Variants in TPCN2 observed in about 807,000 individuals in gnomAD.
TPCN2 encodes the protein two pore channel protein 2.
Under a neutral mutation model 111.4 loss-of-function variants are expected in TPCN2, and 92 were observed. That is an observed-to-expected ratio of 0.83 (90% CI 0.70 to 0.98). TPCN2 has a LOEUF of 0.98. Among genes scored for constraint, TPCN2 ranks in the 50% least tolerant of loss-of-function variants. The pLI is 0.00. For synonymous variants in TPCN2, 405 were observed against 414.5 expected, an observed-to-expected ratio of 0.98 and a Z score of 0.28; for missense variants, 995 against 980.1, an observed-to-expected ratio of 1.02 and a Z score of -0.20.
At chr11:69,050,595 C>A (rs1861180757) in intron 1 of TPCN2, among the ~76,000 whole-genome samples, 1 of 152,206 alleles carries the variant, frequency 6.6e-6, no homozygotes, top group African/African-American at 2.4e-5. Flanking sequence ...CCAGGGTGGT[C>A]TCAAACTCCT....
chr11:69,049,144 A>AG (rs1861094951), intron 1 of TPCN2, 38 bp downstream of exon 1: 1 of 1,185,508 alleles, frequency 8.4e-7, no homozygotes, highest in Non-Finnish European at 1.1e-6. Flanking sequence ...CTGGCCCGGG[A>AG]GACCAGGGTC....
At chr11:69,085,649 C>T (rs376998469) in intron 20 of TPCN2, 22 bp from the exon 21 acceptor site, 64 of 1,528,624 alleles carry the variant, frequency 4.2e-5, no homozygotes, top group Non-Finnish European at 4.0e-5. Context: ...CGCCCCTGAC[C>T]CAGGTGTGTT....
intron 18 of TPCN2, chr11:69,083,176 C>A (rs1462434505): frequency 6.5e-6 from 1 of 152,962 alleles, no homozygotes; most frequent in Admixed American, 6.5e-5. Context: ...TCCACAGGTT[C>A]TTGGAAACTG....
intron 4 of TPCN2, 78 bp from the exon 5 acceptor site, chr11:69,057,500 C>T (rs576913382): frequency 2.7e-5 from 36 of 1,356,768 alleles, no homozygotes; most frequent in Middle Eastern, 1.9e-4. Context: ...CTGGTCCCTG[C>T]GCTGCGCACC....
In TPCN2 at chr11:69,078,785, A is replaced by T; in HGVS notation, c.1402A>T (p.Ile468Phe). ...DVLPAERDDF[I>F]LGILNCVFIV... is the part of the protein sequence containing the mutation. ...GCTGCCTGCTGAGCGTGATGACTTC[A>T]TCCTGGGGGTAAGTTCTGAGCTGTC... The change falls in exon 15 of 25, where the codon ATC becomes TTC. Residue 468 changes from isoleucine (I) to phenylalanine (F), a missense_variant. By Grantham distance (21) the Ile-to-Phe change is conservative. Transcript: ENST00000294309. 6.2e-7 allele frequency: 1 copy of T among 1,614,052 alleles called. No individual in the cohort carries two copies. The highest frequency in any genetic ancestry group is 8.5e-7 in the Non-Finnish European group (1 of 1,180,030).
At chr11:69,086,409 GT>G (rs1233303330) in intron 22 of TPCN2, 113 bp from the exon 23 acceptor site, 1 of 838,946 alleles carries the variant, frequency 1.2e-6, no homozygotes, top group East Asian at 2.4e-5. Flanking sequence ...CTGCATCATG[GT>G]GTGTGTGGGC....
At position 69,067,616 on chromosome 11, in the gene TPCN2, G is replaced by GTC. The variant is rs1472042493; in HGVS notation, c.829+11_829+12insTC. 2.5e-6 allele frequency: 4 copies of GTC among 1,612,988 alleles called. No individual in the cohort carries two copies. Among genetic ancestry groups the GTC allele is most frequent in the Non-Finnish European group, 3.4e-6 (4 of 1,179,766 alleles). On this transcript the variant is annotated intron_variant, in intron 8 of 24. Coordinates refer to ENST00000294309, the MANE Select transcript of TPCN2 (RefSeq NM_139075.4). Reference sequence around the variant, plus strand: ...CCAACAACCCCGATGGTGCGTGCAGGGCCAGGGAGGGACCGTGGGGGTCGG... The same window carrying GTC: ...CCAACAACCCCGATGGTGCGTGCAGGTCGCCAGGGAGGGACCGTGGGGGTCGG...
At chr11:69,069,944 C>T (rs974192194) in intron 8 of TPCN2, among the ~76,000 whole-genome samples, 1 of 151,882 alleles carries the variant, frequency 6.6e-6, no homozygotes, top group African/African-American at 2.4e-5. Context: ...GGCAAGAGAT[C>T]GAATTTGGAC....
intron 19 of TPCN2, chr11:69,084,630 C>T (rs11827144): frequency 0.012 from 11,692 of 985,408 alleles, 420 homozygotes; most frequent in East Asian, 0.12. Context: ...GCAGGAAGCC[C>T]GGCCACACTT....
In TPCN2 at chr11:69,078,496, C is replaced by T. The variant is rs770565681; in HGVS notation, c.1245C>T (p.Pro415=). The change falls in exon 14 of 25, where the codon CCC becomes CCT. Residue 415 remains proline, a synonymous_variant. Transcript: ENST00000294309. ...RSVVKEHPPR[P]EYQSPFLQSA... ...TCCTTGCCCAGCACCCGCCGAGGCC[C>T]GAGTACCAGTCTCCGTTTCTGCAGA... is the stretch of plus-strand genomic sequence containing the variant. 1.2e-5 allele frequency: 19 copies of T among 1,613,976 alleles called. No homozygotes were observed. The highest frequency in any genetic ancestry group is 1.1e-4 in the African/African-American group (8 of 74,934).
intron 11 of TPCN2, among the ~76,000 whole-genome samples, 169 bp from the exon 12 acceptor site, chr11:69,072,458 G>C (rs1203572740): frequency 6.6e-6 from 1 of 151,956 alleles, no homozygotes; most frequent in Non-Finnish European, 1.5e-5. Context: ...GCCTTCTCGG[G>C]GGGACGGCAG....
At position 69,088,093 on chromosome 11, in the gene TPCN2, A is replaced by G. The variant is rs2134652853; in HGVS notation, c.*140A>G. The G allele has an allele frequency of 1.4e-6, 1 of 692,060 alleles. No homozygotes were observed. Among genetic ancestry groups the G allele is most frequent in the East Asian group, 2.7e-5 (1 of 36,452 alleles). The allele number at this position is 692,060 out of a possible 1,614,324, so 42.9% of individuals were successfully genotyped here. ...TCTGACGGACCACTAAGCTGGGGAC[A>G]GGAACCAAGTCCTTTGCGTGTGGCC... is the stretch of plus-strand genomic sequence containing the variant. On this transcript the variant is annotated 3_prime_UTR_variant, in exon 25 of 25. Transcript: ENST00000294309.
At chr11:69,054,150 T>A (rs1854638814) in intron 2 of TPCN2, 53 bp downstream of exon 2, 3 of 1,508,158 alleles carry the variant, frequency 2.0e-6, no homozygotes. Flanking sequence ...CGCCCTCCGA[T>A]TGGCTCGCCC....
chr11:69,057,459 C>T, intron 4 of TPCN2, 119 bp from the exon 5 acceptor site: 2 of 938,356 alleles, frequency 2.1e-6, no homozygotes, highest in East Asian at 2.4e-5. Flanking sequence ...GGGGACCACA[C>T]TGTTGTGGAG....
intron 17 of TPCN2, among the ~76,000 whole-genome samples, chr11:69,080,106 G>C (rs940765449): frequency 6.6e-6 from 1 of 152,250 alleles, no homozygotes; most frequent in African/African-American, 2.4e-5. Context: ...CACCCCGCAG[G>C]CTGTGGAGGG....
chr11:69,056,078 T>C (rs949172458), intron 4 of TPCN2, among the ~76,000 whole-genome samples: 2 of 152,254 alleles, frequency 1.3e-5, no homozygotes. Flanking sequence ...AGGTGCAGGC[T>C]ACGTTTTCTA....
intron 1 of TPCN2, among the ~76,000 whole-genome samples, chr11:69,053,358 C>T (rs75335031): frequency 7.2e-5 from 11 of 152,186 alleles, no homozygotes; most frequent in South Asian, 6.2e-4. Context: ...GCCCATGGAC[C>T]GGGACAGTGA....
chr11:69,053,276 C>T (rs1198516195), intron 1 of TPCN2, among the ~76,000 whole-genome samples: 2 of 152,210 alleles, frequency 1.3e-5, no homozygotes, highest in Admixed American at 6.5e-5. Context: ...ACAGAAGGCA[C>T]CGGCAGAGGC....
Position 69,086,538 on chromosome 11 carries a change from T to C in TPCN2, c.2019T>C (p.Tyr673=). 1 of 1,614,162 alleles carries C rather than the reference T, an allele frequency of 6.2e-7. No homozygotes were observed. The highest frequency in any genetic ancestry group is 8.5e-7 in the Non-Finnish European group (1 of 1,180,016). ...TCCTCCGCAGGTGGTCCAAGATCTA[T>C]TTTGTATTGTGGTGGCTGGTGTCGT... ...RRYSGPWSKI[Y]FVLWWLVSSV... is the part of the protein sequence containing the mutation. The change falls in exon 23 of 25, where the codon TAT becomes TAC. Residue 673 remains tyrosine (Y), a synonymous_variant. Coordinates refer to ENST00000294309, the MANE Select transcript of TPCN2 (RefSeq NM_139075.4).
Sources: gnomAD v4.1 joint callset for allele counts (sites outside exome capture counted in the v4.1 genomes callset) on GRCh38, gnomAD v4.1.1 for gene constraint, MANE v1.5 for transcripts, NCBI Gene and HGNC (gene_info 2026-07-23, HGNC 2026-07-21) for gene names.